The following KL variants were observed in gnomAD, a reference collection of about 807,000 sequenced individuals.
KL encodes klotho, also known as alpha-klotho.
A neutral mutation model predicts 84.2 loss-of-function variants in KL; 62 were observed. That is an observed-to-expected ratio of 0.74 (90% CI 0.60 to 0.91). KL has a LOEUF of 0.91. Among genes scored for constraint, KL ranks in the 40% least tolerant of loss-of-function variants. The probability of loss-of-function intolerance (pLI) is 0.00; values close to 1 mark genes in which losing one functional copy is unlikely to be tolerated. For synonymous variants in KL, 528 were observed against 528.0 expected (o/e 1.00, Z 0.00); for missense variants, 1,261 against 1,305.7 (o/e 0.97, Z 0.53).
At chr13:33,029,922 C>T (rs939362102) in intron 1 of KL, among the ~76,000 whole-genome samples, 11 of 147,870 alleles carry the variant, frequency 7.4e-5, no homozygotes, top group African/African-American at 2.2e-4. Context: ...CGTGAGCCAC[C>T]GCGCCTGGCC....
intron 1 of KL, among the ~76,000 whole-genome samples, chr13:33,040,852 A>G (rs1871312970): frequency 1.3e-5 from 2 of 151,936 alleles, no homozygotes; most frequent in African/African-American, 4.8e-5. Context: ...CCAACTCCTT[A>G]TTTTTTGTTT....
chr13:33,061,617 G>A lies in KL; in HGVS notation c.2538G>A (p.Ala846=), dbSNP rs759598889. 8 of 1,614,094 alleles carry A rather than the reference G, an allele frequency of 5.0e-6. No individual in the cohort carries two copies. In the Admixed American group the frequency reaches 5.0e-5, roughly 10 times the overall value. The change falls in exon 4 of 5, where the codon GCG becomes GCA. Residue 846 remains alanine, a synonymous_variant. Transcript: ENST00000380099. ...GGCTCAACTCCCCCAGTCAGGTGGC[G>A]GTAGTGCCCTGGGGGTTGCGCAAAG... ...ITWLNSPSQV[A]VVPWGLRKVL...
At chr13:33,027,877 A>T (rs1009409414) in intron 1 of KL, among the ~76,000 whole-genome samples, 2 of 152,206 alleles carry the variant, frequency 1.3e-5, no homozygotes, top group African/African-American at 4.8e-5. Flanking sequence ...ATAGGATTAG[A>T]TGTACAAGAA....
chr13:33,045,549 C>T (rs564859209), intron 1 of KL, among the ~76,000 whole-genome samples: 7 of 152,250 alleles, frequency 4.6e-5, no homozygotes, highest in African/African-American at 1.7e-4. Context: ...GGCGTGATCT[C>T]GGCTCATCAC....
chr13:33,035,108 G>T (rs1214111620), intron 1 of KL, among the ~76,000 whole-genome samples: 3 of 152,166 alleles, frequency 2.0e-5, no homozygotes, highest in Non-Finnish European at 2.9e-5. Context: ...GGAAAGAGCA[G>T]GCCGATGACT....
At chr13:33,061,923 A>C (rs904723979) in intron 4 of KL, 143 bp downstream of exon 4, 2 of 837,094 alleles carry the variant, frequency 2.4e-6, no homozygotes, top group African/African-American at 3.3e-5. Context: ...ACAGTCCAAG[A>C]GATATCTAGC....
chr13:33,057,186 TAGC>T (rs1457917303), intron 3 of KL, among the ~76,000 whole-genome samples: 1 of 152,156 alleles, frequency 6.6e-6, no homozygotes, highest in Non-Finnish European at 1.5e-5. Context: ...GGATCTCTGA[TAGC>T]AGCCTGAGTC....
rs749957064 is a variant in KL at position 33,054,117 on chromosome 13, A to G, written c.1170A>G (p.Glu390=). Residue 390 remains glutamate (E), a synonymous_variant, in exon 2 of 5, where the codon GAA becomes GAG. Coordinates refer to ENST00000380099, the MANE Select transcript of KL (RefSeq NM_004795.4). ...CTCACATGAAGTTCCGCCAATTGGA[A>G]TCTCCCAACCTGAGGCAACTGCTTT... The part of the protein sequence containing the change: ...LDPHMKFRQL[E]SPNLRQLLSW... 6 of 1,614,004 alleles carry G rather than the reference A, an allele frequency of 3.7e-6. No homozygotes were observed. The highest frequency in any genetic ancestry group is 3.3e-5 in the South Asian group (3 of 91,056).
chr13:33,025,441 G>C (rs1232958727), intron 1 of KL, among the ~76,000 whole-genome samples: 2 of 152,198 alleles, frequency 1.3e-5, no homozygotes, highest in African/African-American at 4.8e-5. Context: ...AGTGGGCCCT[G>C]CTGCTGGGCT....
intron 1 of KL, among the ~76,000 whole-genome samples, chr13:33,037,984 G>A (rs1871201432): frequency 2.0e-5 from 3 of 152,180 alleles, no homozygotes; most frequent in Admixed American, 2.0e-4. Flanking sequence ...TTGCCCTGTT[G>A]TTTTGCTTTT....
chr13:33,017,157 C>T lies in KL; in HGVS notation c.717C>T (p.Asn239=), dbSNP rs1186934989. 4 of 1,601,502 alleles carry T rather than the reference C, an allele frequency of 2.5e-6. No individual in the cohort carries two copies. The highest frequency in any genetic ancestry group is 3.4e-6 in the Non-Finnish European group (4 of 1,179,778). ...GQVKYWITID[N]PYVVAWHGYA... ...TCAAGTACTGGATCACCATCGACAA[C>T]CCCTACGTGGTGGCCTGGCACGGCT... The change falls in exon 1 of 5, where the codon AAC becomes AAT. Residue 239 remains asparagine (N), a synonymous_variant. Transcript: ENST00000380099.
chr13:33,016,875 T>A lies in KL; in HGVS notation c.435T>A (p.Thr145=). 6.2e-7 allele frequency: 1 copy of A among 1,612,518 alleles called. No individual in the cohort carries two copies. Among genetic ancestry groups the A allele is most frequent in the South Asian group, 1.1e-5 (1 of 91,058 alleles). Reference sequence around the variant, plus strand: ...AGGCGCTGCGCGAGCTCGGGGTCACTCACTACCGCTTCTCCATCTCGTGGG... The same window carrying A: ...AGGCGCTGCGCGAGCTCGGGGTCACACACTACCGCTTCTCCATCTCGTGGG... ...DTEALRELGV[T]HYRFSISWAR... Residue 145 remains threonine (T), a synonymous_variant, in exon 1 of 5, where the codon ACT becomes ACA. Coordinates refer to ENST00000380099, the MANE Select transcript of KL (RefSeq NM_004795.4).
At chr13:33,042,645 T>C (rs1871377825) in intron 1 of KL, among the ~76,000 whole-genome samples, 1 of 152,200 alleles carries the variant, frequency 6.6e-6, no homozygotes, top group African/African-American at 2.4e-5. Flanking sequence ...TTTGTGTTGT[T>C]TTCAGTTTTC....
At chr13:33,036,814 A>G (rs1461977206) in intron 1 of KL, among the ~76,000 whole-genome samples, 1 of 152,216 alleles carries the variant, frequency 6.6e-6, no homozygotes, top group Non-Finnish European at 1.5e-5. Flanking sequence ...TTAAAAGAGT[A>G]AATTTTAAGT....
At chr13:33,053,638 T>C in intron 1 of KL, 129 bp from the exon 2 acceptor site, 1 of 904,112 alleles carries the variant, frequency 1.1e-6, no homozygotes, top group Non-Finnish European at 1.7e-6. Flanking sequence ...TTCTAGCTGA[T>C]TTTTATATTG....
intron 1 of KL, among the ~76,000 whole-genome samples, chr13:33,043,021 T>A (rs560955987): frequency 3.9e-5 from 6 of 152,194 alleles, no homozygotes; most frequent in Admixed American, 3.9e-4. Context: ...TTTATCTTAA[T>A]ATTGTACAAG....
chr13:33,062,951 C>T (rs560857786), intron 4 of KL, among the ~76,000 whole-genome samples: 12 of 151,720 alleles, frequency 7.9e-5, no homozygotes, highest in Non-Finnish European at 1.8e-4. Flanking sequence ...GAGTGATTGG[C>T]AGGGGGGGAA....
chr13:33,017,050 T>A lies in KL; in HGVS notation c.610T>A (p.Tyr204Asn), dbSNP rs758566300. The A allele has an allele frequency of 6.2e-7, 1 of 1,601,572 alleles. No individual in the cohort carries two copies. The highest frequency in any genetic ancestry group is 8.5e-7 in the Non-Finnish European group (1 of 1,177,924). ...WDLPQRLQDA[Y>N]GGWANRALAD... Reference sequence around the variant, plus strand: ...CCTGCCCCAGCGCCTGCAGGACGCCTACGGCGGCTGGGCCAACCGCGCCCT... The same window carrying A: ...CCTGCCCCAGCGCCTGCAGGACGCCAACGGCGGCTGGGCCAACCGCGCCCT... The change falls in exon 1 of 5, where the codon TAC becomes AAC. Residue 204 changes from tyrosine to asparagine, a missense_variant. Transcript: ENST00000380099.
At chr13:33,020,853 G>A (rs575722074) in intron 1 of KL, among the ~76,000 whole-genome samples, 1 of 152,240 alleles carries the variant, frequency 6.6e-6, no homozygotes, top group Admixed American at 6.5e-5. Flanking sequence ...GCTCTACAGG[G>A]TGACATTATG....
Sources: gnomAD v4.1 joint callset for allele counts (sites outside exome capture counted in the v4.1 genomes callset) on GRCh38, gnomAD v4.1.1 for gene constraint, MANE v1.5 for transcripts, NCBI Gene and HGNC (gene_info 2026-07-23, HGNC 2026-07-21) for gene names.